MEIS2: variants seen among roughly 807,000 people sequenced by gnomAD.
MEIS2 encodes homeobox protein Meis2.
A neutral mutation model predicts 58.6 loss-of-function variants in MEIS2; 9 were observed. That is an observed-to-expected ratio of 0.15 (90% CI 0.09 to 0.27). The LOEUF is 0.27. Among genes scored for constraint, MEIS2 ranks in the 10% least tolerant of loss-of-function variants. The probability of loss-of-function intolerance (pLI) is 1.00; values close to 1 mark genes in which losing one functional copy is unlikely to be tolerated. For missense variants in MEIS2, 427 were observed against 635.0 expected (o/e 0.67, Z 3.52); for synonymous variants, 221 against 228.4 (o/e 0.97, Z 0.29).
chr15:36,900,452 A>T (rs781059484), intron 9 of MEIS2, among the ~76,000 whole-genome samples: 1 of 152,180 alleles, frequency 6.6e-6, no homozygotes, highest in Non-Finnish European at 1.5e-5. Flanking sequence ...TTTTCTCTAA[A>T]TTTTACTTAA....
At chr15:36,905,673 T>A (rs547573678) in intron 9 of MEIS2, among the ~76,000 whole-genome samples, 1 of 152,316 alleles carries the variant, frequency 6.6e-6, no homozygotes, top group South Asian at 2.1e-4. Context: ...TCCATAGTAA[T>A]CTATCTATGT....
intron 7 of MEIS2, among the ~76,000 whole-genome samples, chr15:37,066,927 T>C (rs1026228340): frequency 6.6e-6 from 1 of 151,782 alleles, no homozygotes; most frequent in Non-Finnish European, 1.5e-5. Context: ...TATAGGTGCA[T>C]GCCATTGTGC....
At chr15:36,976,458 A>G (rs2059764114) in intron 8 of MEIS2, among the ~76,000 whole-genome samples, 1 of 149,562 alleles carries the variant, frequency 6.7e-6, no homozygotes, top group African/African-American at 2.4e-5. Context: ...GGGCAGAACT[A>G]TATCCATATG....
intron 9 of MEIS2, chr15:36,897,006 G>T: frequency 8.0e-6 from 2 of 248,590 alleles, no homozygotes; most frequent in Non-Finnish European, 1.6e-5. Context: ...TCACAGGCTG[G>T]AAGACTTTCC....
At chr15:36,910,793 TC>T (rs970801907) in intron 9 of MEIS2, among the ~76,000 whole-genome samples, 3 of 152,144 alleles carry the variant, frequency 2.0e-5, no homozygotes, top group Non-Finnish European at 2.9e-5. Context: ...ACGCCTGTAA[TC>T]CCAGCACTTT....
At chr15:36,963,196 G>A (rs2059244106) in intron 8 of MEIS2, among the ~76,000 whole-genome samples, 1 of 152,054 alleles carries the variant, frequency 6.6e-6, no homozygotes, top group African/African-American at 2.4e-5. Flanking sequence ...CCAACATGGT[G>A]AAACCCCAAG....
chr15:36,991,800 T>A (rs2060298051), intron 8 of MEIS2, among the ~76,000 whole-genome samples: 1 of 129,864 alleles, frequency 7.7e-6, no homozygotes, highest in African/African-American at 3.0e-5. Context: ...TTTTTTTTTT[T>A]TTTTTGAGAC....
chr15:37,094,678 G>A, intron 4 of MEIS2, 101 bp from the exon 5 acceptor site: 1 of 933,360 alleles, frequency 1.1e-6, no homozygotes, highest in Non-Finnish European at 1.6e-6. Context: ...AAGTTGGGCT[G>A]GGGAGAAGAA....
At chr15:37,024,933 G>A (rs1356619781) in intron 8 of MEIS2, among the ~76,000 whole-genome samples, 1 of 152,246 alleles carries the variant, frequency 6.6e-6, no homozygotes, top group African/African-American at 2.4e-5. Context: ...TACGTTTATT[G>A]TGAAGTTAGT....
At chr15:37,025,997 C>A (rs964298556) in intron 8 of MEIS2, among the ~76,000 whole-genome samples, 1 of 151,862 alleles carries the variant, frequency 6.6e-6, no homozygotes, top group Non-Finnish European at 1.5e-5. Flanking sequence ...AAAAACTGAG[C>A]CTATAATTGA....
chr15:36,903,128 C>T (rs1175429861), intron 9 of MEIS2, among the ~76,000 whole-genome samples: 1 of 152,092 alleles, frequency 6.6e-6, no homozygotes, highest in Non-Finnish European at 1.5e-5. Context: ...TCTTTTATTT[C>T]CTTTACAATA....
intron 8 of MEIS2, among the ~76,000 whole-genome samples, chr15:37,003,461 TA>T (rs796093322): frequency 1.9e-4 from 28 of 149,066 alleles, no homozygotes; most frequent in African/African-American, 5.9e-4. Flanking sequence ...GAAGGCAAAG[TA>T]AAAAAAAAAT....
intron 7 of MEIS2, among the ~76,000 whole-genome samples, chr15:37,048,319 C>T (rs7163784): frequency 0.97 from 147,211 of 152,188 alleles, 71,376 homozygotes; most frequent in East Asian, 1. Context: ...TTAAATGAAA[C>T]ATTAAATGTC....
At position 37,093,609 on chromosome 15, in the gene MEIS2, G is replaced by A. The variant is rs749346955; in HGVS notation, c.611C>T (p.Ser204Leu). ...GTCAGCGAGATTTGTGGAGGAGCCT[G>A]AAAGTTCTTCATGATCTGACTTGGA... ...GSSKSDHEEL[S>L]GSSTNLADHN... is the part of the protein sequence containing the mutation. The change falls in exon 6 of 12, where the codon TCA becomes TTA. Residue 204 changes from serine to leucine, a missense_variant. By Grantham distance (145) the Ser-to-Leu change is moderately radical. Coordinates refer to ENST00000561208, the MANE Select transcript of MEIS2 (RefSeq NM_170675.5). 6.2e-6 allele frequency: 10 copies of A among 1,614,204 alleles called. 1 individual carries two copies. The South Asian group carries it at 9.9e-5, about 16-fold the overall frequency.
At chr15:36,896,094 C>T (rs2056161644) in intron 10 of MEIS2, among the ~76,000 whole-genome samples, 1 of 152,158 alleles carries the variant, frequency 6.6e-6, no homozygotes, top group African/African-American at 2.4e-5. Context: ...CTGAGAAAAG[C>T]TCACATGTAT....
In MEIS2 at chr15:36,892,337, G is replaced by T; in HGVS notation, c.1270C>A (p.Pro424Thr). 1 of 1,613,854 alleles carries T rather than the reference G, an allele frequency of 6.2e-7. No individual in the cohort carries two copies. Among genetic ancestry groups the T allele is most frequent in the Non-Finnish European group, 8.5e-7 (1 of 1,179,958 alleles). ...PHPTQLRHGP[P>T]MHSYLPSHPH... ...TGGCTTGGCAAATATGAATGCATTGGGGGTCCATGTCTTAATTGAGTAGGG... is the reference window on the plus strand; with the variant it reads ...TGGCTTGGCAAATATGAATGCATTGTGGGTCCATGTCTTAATTGAGTAGGG... The change falls in exon 12 of 12, where the codon CCA becomes ACA. Residue 424 changes from proline (P) to threonine (T), a missense_variant. This residue lies in a region of MEIS2 where 154 missense variants were observed against 148.1 expected (regional missense o/e 1.04). Transcript: ENST00000561208.
rs1890944646 is a variant in MEIS2 at position 37,073,230 on chromosome 15, C to A, written c.754+10541G>T. On this transcript the variant is annotated intron_variant, in intron 7 of 11. Coordinates refer to ENST00000561208, the MANE Select transcript of MEIS2 (RefSeq NM_170675.5). ...TATTCCCATTTTACAGGTGAAGAAACAAACATTCAGAAATATTGCTGCTTG... is the reference window on the plus strand; with the variant it reads ...TATTCCCATTTTACAGGTGAAGAAAAAAACATTCAGAAATATTGCTGCTTG... Among the ~76,000 whole-genome samples, 4 of 152,148 alleles carry A rather than the reference C, an allele frequency of 2.6e-5. No individual in the cohort carries two copies. In the South Asian group the frequency reaches 8.3e-4, roughly 32 times the overall value.
At chr15:36,931,445 T>C (rs1188372655) in intron 9 of MEIS2, among the ~76,000 whole-genome samples, 1 of 152,180 alleles carries the variant, frequency 6.6e-6, no homozygotes, top group Admixed American at 6.5e-5. Context: ...TTTTAAAATA[T>C]GGAATGGAAT....
At chr15:36,898,651 C>G (rs1209889823) in intron 9 of MEIS2, 1 of 152,168 alleles carries the variant, frequency 6.6e-6, no homozygotes, top group Non-Finnish European at 1.5e-5. Flanking sequence ...CACTCCCTTA[C>G]TCACAGAGCT....
Sources: gnomAD v4.1 joint callset for allele counts (sites outside exome capture counted in the v4.1 genomes callset) on GRCh38, gnomAD v4.1.1 for gene constraint, gnomAD v4.1.1 regional missense constraint, MANE v1.5 for transcripts, NCBI Gene and HGNC (gene_info 2026-07-23, HGNC 2026-07-21) for gene names.